The following LRRTM2 variants were observed in gnomAD, a reference collection of about 807,000 sequenced individuals.
The protein encoded by LRRTM2 is leucine-rich repeat transmembrane neuronal protein 2.
A neutral mutation model predicts 40.7 loss-of-function variants in LRRTM2; 14 were observed. The ratio of observed to expected loss-of-function variants is 0.34; its 90% confidence interval spans 0.23 to 0.54. The LOEUF (loss-of-function observed/expected upper bound fraction) is 0.54, where lower values mean the gene tolerates loss of function less well. Ranked by LOEUF, LRRTM2 falls within the 20% of genes least tolerant of loss-of-function variation. The pLI is 0.92. For missense variants in LRRTM2, 468 were observed against 624.4 expected, an observed-to-expected ratio of 0.75 and a Z score of 2.67; for synonymous variants, 223 against 237.6, an observed-to-expected ratio of 0.94 and a Z score of 0.57.
At position 138,874,606 on chromosome 5, in the gene LRRTM2, G is replaced by A. The variant is rs1378942280; in HGVS notation, c.5-50C>T. 2 of 1,144,774 alleles carry A rather than the reference G, an allele frequency of 1.7e-6. No individual in the cohort carries two copies. The highest frequency in any genetic ancestry group is 3.1e-5 in the African/African-American group (2 of 63,976). 70.9% of individuals were successfully genotyped at this position (1,144,774 alleles called of 1,614,324 possible). ...CAAGAAGATAGGATATTTTTCAGCAGAACATATGGGCTATTTAAAAAAAAC... is the reference window on the plus strand; with the variant it reads ...CAAGAAGATAGGATATTTTTCAGCAAAACATATGGGCTATTTAAAAAAAAC... On this transcript the variant is annotated intron_variant, in intron 1 of 1. Coordinates refer to ENST00000274711, the MANE Select transcript of LRRTM2 (RefSeq NM_015564.3). The surrounding 1 kb of genome is among the most constrained non-coding windows in gnomAD (Gnocchi z 4.1).
At position 138,868,984 on chromosome 5, in the gene LRRTM2, AC is replaced by A. The variant is rs1218391049; in HGVS notation, c.*4025del. The A allele has an allele frequency of 7.1e-6, 1 of 140,768 alleles. No homozygotes were observed. The highest frequency in any genetic ancestry group is 1.6e-5 in the Non-Finnish European group (1 of 64,290). The allele number at this position is 140,768 out of a possible 1,614,324, so 8.7% of individuals were successfully genotyped here. A position where few individuals can be genotyped will look rare whatever the true frequency, so the allele number is the denominator to read the frequency against. ...TTGCCTGTACACTGCTCTTTATGTT[AC>A]CCTCCCCCCTCCCAAAACACCCTGC... On this transcript the variant is annotated 3_prime_UTR_variant, in exon 2 of 2. Coordinates refer to ENST00000274711, the MANE Select transcript of LRRTM2 (RefSeq NM_015564.3).
chr5:138,875,292 G>A lies in LRRTM2; in HGVS notation c.-381C>T. 1 of 571,956 alleles carries A rather than the reference G, an allele frequency of 1.7e-6. No individual in the cohort carries two copies. Among genetic ancestry groups the A allele is most frequent in the Non-Finnish European group, 2.3e-6 (1 of 439,880 alleles). The allele number at this position is 571,956 out of a possible 1,614,324, so 35.4% of individuals were successfully genotyped here. ...CAGAGAAGAGCTCCTGGAGCAGCAT[G>A]AGTGCATTTACTGAAAAGCTTTTCC... On this transcript the variant is annotated 5_prime_UTR_variant, in exon 1 of 2. Coordinates refer to ENST00000274711, the MANE Select transcript of LRRTM2 (RefSeq NM_015564.3).
Position 138,875,230 on chromosome 5 carries a change from G to T in LRRTM2, c.-319C>A. The T allele has an allele frequency of 6.2e-6, 2 of 323,304 alleles. No individual in the cohort carries two copies. The highest frequency in any genetic ancestry group is 1.3e-4 in the South Asian group (2 of 15,182). The allele number at this position is 323,304 out of a possible 1,614,324, so 20.0% of individuals were successfully genotyped here. On this transcript the variant is annotated 5_prime_UTR_variant, in exon 1 of 2. Coordinates refer to ENST00000274711, the MANE Select transcript of LRRTM2 (RefSeq NM_015564.3). ...CCTTTCCGCAGCCGTTAGTTCTCTTGGTCTTAACTTGTTGATGGCAGATGG... is the reference window on the plus strand; with the variant it reads ...CCTTTCCGCAGCCGTTAGTTCTCTTTGTCTTAACTTGTTGATGGCAGATGG...
In LRRTM2 at chr5:138,874,452, T is replaced by G; in HGVS notation, c.109A>C (p.Lys37Gln). ...AAGAGCAGCTTCTCGCAGCGGCATT[T>G]GGGTGGACACGCCATACCCAGGGCA... ...LPALGMACPP[K>Q]CRCEKLLFYC... The change falls in exon 2 of 2, where the codon AAA becomes CAA. Residue 37 changes from lysine (K) to glutamine (Q), a missense_variant. By Grantham distance (53) the Lys-to-Gln change is moderately conservative (BLOSUM62 1). Transcript: ENST00000274711. This position sits in a 1 kb window ranked among gnomAD's most constrained non-coding sequence, Gnocchi z 4.1. The G allele has an allele frequency of 1.2e-6, 2 of 1,613,754 alleles. No homozygotes were observed. The highest frequency in any genetic ancestry group is 1.7e-6 in the Non-Finnish European group (2 of 1,179,790).
chr5:138,870,969 A>T lies in LRRTM2; in HGVS notation c.*2041T>A, dbSNP rs1156354986. The stretch of plus-strand genomic sequence containing the variant: ...AGATCAACTGAATTGAACTGGGCTG[A>T]GACTTTGACAAACTAATCTGCCCAC... On this transcript the variant is annotated 3_prime_UTR_variant, in exon 2 of 2. Coordinates refer to ENST00000274711, the MANE Select transcript of LRRTM2 (RefSeq NM_015564.3). 6.6e-6 allele frequency: 1 copy of T among 152,236 alleles called. No individual in the cohort carries two copies. Among genetic ancestry groups the T allele is most frequent in the Non-Finnish European group, 1.5e-5 (1 of 68,048 alleles). The allele number at this position is 152,236 out of a possible 1,614,324, so 9.4% of individuals were successfully genotyped here.
In LRRTM2 at chr5:138,874,985, A is replaced by T; in HGVS notation, c.-74T>A. On this transcript the variant is annotated 5_prime_UTR_variant, in exon 1 of 2. An upstream open reading frame in the 5' UTR gains an earlier in-frame stop. Coordinates refer to ENST00000274711, the MANE Select transcript of LRRTM2 (RefSeq NM_015564.3). This position sits in a 1 kb window ranked among gnomAD's most constrained non-coding sequence, Gnocchi z 4.1. ...ACGCAGTGAGTCTGTAAAAGGCTCT[A>T]ACATGTAGGAGCCTTTGACCAGTTT... The T allele has an allele frequency of 7.4e-6, 11 of 1,489,280 alleles. No individual in the cohort carries two copies. Among genetic ancestry groups the T allele is most frequent in the African/African-American group, 1.4e-5 (1 of 72,414 alleles). 92.3% of individuals were successfully genotyped at this position (1,489,280 alleles called of 1,614,324 possible).
Position 138,874,185 on chromosome 5 carries a change from T to A in LRRTM2, c.376A>T (p.Asn126Tyr). The change falls in exon 2 of 2, where the codon AAC becomes TAC. Residue 126 changes from asparagine to tyrosine, a missense_variant. By Grantham distance (143) the Asn-to-Tyr change is moderately radical. Transcript: ENST00000274711. The surrounding 1 kb of genome is among the most constrained non-coding windows in gnomAD (Gnocchi z 4.1). Reference protein sequence around the residue: ...LSSNKIFYLPNTTFTQLINLQ... With the variant: ...LSSNKIFYLPYTTFTQLINLQ... ...TTAATCAGTTGGGTAAAAGTTGTGTTTGGCAAGTAAAATATTTTGTTGGAA... is the reference window on the plus strand; with the variant it reads ...TTAATCAGTTGGGTAAAAGTTGTGTATGGCAAGTAAAATATTTTGTTGGAA... 6.2e-7 allele frequency: 1 copy of A among 1,613,990 alleles called. No homozygotes were observed. The highest frequency in any genetic ancestry group is 8.5e-7 in the Non-Finnish European group (1 of 1,179,872).
rs1478862494 is a variant in LRRTM2, at chr5:138,869,225, C to A, written c.*3785G>T. 1.3e-5 allele frequency: 2 copies of A among 149,238 alleles called. No individual in the cohort carries two copies. The highest frequency in any genetic ancestry group is 1.3e-4 in the Admixed American group (2 of 14,972). The allele number at this position is 149,238 out of a possible 1,614,324, so 9.2% of individuals were successfully genotyped here. On this transcript the variant is annotated 3_prime_UTR_variant, in exon 2 of 2. Transcript: ENST00000274711. ...ACAAAAATGTTAGTTGAAAGAGTTG[C>A]AGAGGTTTCCAAATGTTTGCAATAG...
Position 138,871,473 on chromosome 5 carries a change from T to C in LRRTM2, c.*1537A>G, listed in dbSNP as rs1209387885. On this transcript the variant is annotated 3_prime_UTR_variant, in exon 2 of 2. Coordinates refer to ENST00000274711, the MANE Select transcript of LRRTM2 (RefSeq NM_015564.3). The stretch of plus-strand genomic sequence containing the variant: ...AAGAAACTGAATACCTGTGGTTCTT[T>C]TCTGCATGAAAAATGTGGCATCCTT... 1.3e-5 allele frequency: 2 copies of C among 152,256 alleles called. No homozygotes were observed. The highest frequency in any genetic ancestry group is 4.8e-5 in the African/African-American group (2 of 41,474). 9.4% of individuals were successfully genotyped at this position (152,256 alleles called of 1,614,324 possible).
At position 138,873,585 on chromosome 5, in the gene LRRTM2, G is replaced by A; in HGVS notation, c.976C>T (p.Leu326=). 1 of 1,613,984 alleles carries A rather than the reference G, an allele frequency of 6.2e-7. No homozygotes were observed. The highest frequency in any genetic ancestry group is 1.1e-5 in the South Asian group (1 of 91,082). Residue 326 remains leucine, a synonymous_variant, in exon 2 of 2, where the codon CTG becomes TTG. Coordinates refer to ENST00000274711, the MANE Select transcript of LRRTM2 (RefSeq NM_015564.3). The surrounding 1 kb of genome is among the most constrained non-coding windows in gnomAD (Gnocchi z 6.1). ...SARICALASW[L]GSFQGRWEHS... ...TCCCACCGACCTTGGAAACTGCCCAGCCAGGAGGCCAGAGCACATATTCGG... is the reference window on the plus strand; with the variant it reads ...TCCCACCGACCTTGGAAACTGCCCAACCAGGAGGCCAGAGCACATATTCGG...
Position 138,874,386 on chromosome 5 carries a change from T to G in LRRTM2, c.175A>C (p.Thr59Pro), listed in dbSNP as rs745422199. ...SQGFHSVPNA[T>P]DKGSLGLSLR... ...GACAGGCCCAGAGAGCCCTTGTCTGTGGCGTTTGGCACTGAGTGGAAGCCC... is the reference window on the plus strand; with the variant it reads ...GACAGGCCCAGAGAGCCCTTGTCTGGGGCGTTTGGCACTGAGTGGAAGCCC... The change falls in exon 2 of 2, where the codon ACA becomes CCA. Residue 59 changes from threonine (T) to proline (P), a missense_variant. Transcript: ENST00000274711. This position sits in a 1 kb window ranked among gnomAD's most constrained non-coding sequence, Gnocchi z 4.1. 1 of 1,614,014 alleles carries G rather than the reference T, an allele frequency of 6.2e-7. No homozygotes were observed. Among genetic ancestry groups the G allele is most frequent in the East Asian group, 2.2e-5 (1 of 44,894 alleles).
rs761378383 is a variant in LRRTM2, at chr5:138,873,962, C to T, written c.599G>A (p.Gly200Glu). 1 of 1,614,034 alleles carries T rather than the reference C, an allele frequency of 6.2e-7. No individual in the cohort carries two copies. Among genetic ancestry groups the T allele is most frequent in the Non-Finnish European group, 8.5e-7 (1 of 1,179,902 alleles). ...TNRLRSLARN[G>E]FAGLIKLREL... ...TCTCAGTTTAATTAATCCTGCAAAT[C>T]CATTGCGAGCCAAACTTCGCAAACG... The change falls in exon 2 of 2, where the codon GGA (glycine) becomes GAA (glutamate). Residue 200 changes from glycine (G) to glutamate (E), a missense_variant. By Grantham distance (98) the Gly-to-Glu change is moderately conservative. Transcript: ENST00000274711. This position sits in a 1 kb window ranked among gnomAD's most constrained non-coding sequence, Gnocchi z 6.1.
chr5:138,874,850 T>C lies in LRRTM2; in HGVS notation c.4+58A>G. ...CTCATAAAATGTGAATTCGGTAGCT[T>C]ATTTTAAAAGCGTGATTCCTTGTTG... On this transcript the variant is annotated intron_variant, in intron 1 of 1. Coordinates refer to ENST00000274711, the MANE Select transcript of LRRTM2 (RefSeq NM_015564.3). This position sits in a 1 kb window ranked among gnomAD's most constrained non-coding sequence, Gnocchi z 4.1. The C allele has an allele frequency of 6.6e-7, 1 of 1,515,534 alleles. No individual in the cohort carries two copies. The highest frequency in any genetic ancestry group is 9.1e-7 in the Non-Finnish European group (1 of 1,102,462). 93.9% of individuals were successfully genotyped at this position (1,515,534 alleles called of 1,614,324 possible). A position where few individuals can be genotyped will look rare whatever the true frequency, so the allele number is the denominator to read the frequency against.
Position 138,873,708 on chromosome 5 carries a change from C to T in LRRTM2, c.853G>A (p.Asp285Asn). 1.9e-6 allele frequency: 3 copies of T among 1,613,982 alleles called. No homozygotes were observed. Among genetic ancestry groups the T allele is most frequent in the Non-Finnish European group, 2.5e-6 (3 of 1,179,872 alleles). Residue 285 changes from aspartate (D) to asparagine (N), a missense_variant, in exon 2 of 2, where the codon GAT becomes AAT. By Grantham distance (23) the Asp-to-Asn change is conservative (BLOSUM62 1). Transcript: ENST00000274711. This position sits in a 1 kb window ranked among gnomAD's most constrained non-coding sequence, Gnocchi z 6.1. ...TCAAGGCTGTTTAACTTGTTGTTAT[C>T]CATGAGGAGTATTTTAAGATTGGGC... ...TMPNLKILLMDNNKLNSLDSK... is the reference protein window; with the variant it reads ...TMPNLKILLMNNNKLNSLDSK...
rs1765087445 is a variant in LRRTM2, at chr5:138,869,100, A to G, written c.*3910T>C. The stretch of plus-strand genomic sequence containing the variant: ...TCTTGAAGGTGATTGAACACAATGT[A>G]TTTGGACTGTACTTTGAGTTTCCAG... On this transcript the variant is annotated 3_prime_UTR_variant, in exon 2 of 2. Transcript: ENST00000274711. 6.7e-6 allele frequency: 1 copy of G among 148,522 alleles called. No individual in the cohort carries two copies. Among genetic ancestry groups the G allele is most frequent in the Non-Finnish European group, 1.5e-5 (1 of 67,438 alleles). 9.2% of individuals were successfully genotyped at this position (148,522 alleles called of 1,614,324 possible).
In LRRTM2 at chr5:138,873,706, A is replaced by G. The variant is rs1404347706; in HGVS notation, c.855T>C (p.Asp285=). The G allele has an allele frequency of 1.2e-6, 2 of 1,614,032 alleles. No individual in the cohort carries two copies. The highest frequency in any genetic ancestry group is 1.1e-5 in the South Asian group (1 of 91,082). ...TMPNLKILLM[D]NNKLNSLDSK... is the part of the protein sequence containing the mutation. Reference sequence around the variant, plus strand: ...AATCAAGGCTGTTTAACTTGTTGTTATCCATGAGGAGTATTTTAAGATTGG... The same window carrying G: ...AATCAAGGCTGTTTAACTTGTTGTTGTCCATGAGGAGTATTTTAAGATTGG... The change falls in exon 2 of 2, where the codon GAT becomes GAC. Residue 285 remains aspartate, a synonymous_variant. Coordinates refer to ENST00000274711, the MANE Select transcript of LRRTM2 (RefSeq NM_015564.3). This position sits in a 1 kb window ranked among gnomAD's most constrained non-coding sequence, Gnocchi z 6.1.
chr5:138,870,433 A>C lies in LRRTM2; in HGVS notation c.*2577T>G, dbSNP rs2149916425. ...CATTACCCAGAAAAATGGAAGGCAAAAAATTTTGATTTTTTTCAACTGGAA... is the reference window on the plus strand; with the variant it reads ...CATTACCCAGAAAAATGGAAGGCAACAAATTTTGATTTTTTTCAACTGGAA... On this transcript the variant is annotated 3_prime_UTR_variant, in exon 2 of 2. Coordinates refer to ENST00000274711, the MANE Select transcript of LRRTM2 (RefSeq NM_015564.3). 6.6e-6 allele frequency: 1 copy of C among 152,346 alleles called. No individual in the cohort carries two copies. The highest frequency in any genetic ancestry group is 2.1e-4 in the South Asian group (1 of 4,828). The allele number at this position is 152,346 out of a possible 1,614,324, so 9.4% of individuals were successfully genotyped here.
In LRRTM2 at chr5:138,875,298, A is replaced by G; in HGVS notation, c.-387T>C. 12 of 677,756 alleles carry G rather than the reference A, an allele frequency of 1.8e-5. No homozygotes were observed. Among genetic ancestry groups the G allele is most frequent in the Non-Finnish European group, 2.0e-5 (11 of 539,066 alleles). 42.0% of individuals were successfully genotyped at this position (677,756 alleles called of 1,614,324 possible). A position where few individuals can be genotyped will look rare whatever the true frequency, so the allele number is the denominator to read the frequency against. ...AGAGCTCCTGGAGCAGCATGAGTGC[A>G]TTTACTGAAAAGCTTTTCCGAGAAA... On this transcript the variant is annotated 5_prime_UTR_variant, in exon 1 of 2. It removes an upstream start codon present in the reference 5' UTR. Coordinates refer to ENST00000274711, the MANE Select transcript of LRRTM2 (RefSeq NM_015564.3).
At position 138,872,336 on chromosome 5, in the gene LRRTM2, A is replaced by G. The variant is rs1209317517; in HGVS notation, c.*674T>C. ...TTTCATTGTAATGAGACCTTTTCAC[A>G]GTCACTTGGATTCATTGTGTAAATA... is the stretch of plus-strand genomic sequence containing the variant. On this transcript the variant is annotated 3_prime_UTR_variant, in exon 2 of 2. Coordinates refer to ENST00000274711, the MANE Select transcript of LRRTM2 (RefSeq NM_015564.3). 2.0e-5 allele frequency: 3 copies of G among 152,624 alleles called. No individual in the cohort carries two copies. 9.5% of individuals were successfully genotyped at this position (152,624 alleles called of 1,614,324 possible). A position where few individuals can be genotyped will look rare whatever the true frequency, so the allele number is the denominator to read the frequency against.
Sources: gnomAD v4.1 joint callset for allele counts on GRCh38, gnomAD v4.1.1 for gene constraint, Gnocchi (gnomAD v3.1) non-coding constraint, MANE v1.5 for transcripts, NCBI Gene and HGNC (gene_info 2026-07-23, HGNC 2026-07-21) for gene names.